Variants in ZCWPW2 observed in about 807,000 individuals in gnomAD.
The protein encoded by ZCWPW2 is zinc finger CW-type PWWP domain protein 2.
ZCWPW2 carries 45 observed loss-of-function variants against 46.6 expected under a neutral mutation model. That is an observed-to-expected ratio of 0.96 (90% CI 0.76 to 1.24). The LOEUF is 1.24. ZCWPW2 is among the 50% of genes most tolerant of loss of function. The pLI, the probability that ZCWPW2 is intolerant of heterozygous loss-of-function variation, is 0.00. For synonymous variants in ZCWPW2, 152 were observed against 137.1 expected, an observed-to-expected ratio of 1.11 and a Z score of -0.76; for missense variants, 429 against 403.9, an observed-to-expected ratio of 1.06 and a Z score of -0.53.
chr3:28,486,288 C>T (rs7633509), intron 5 of ZCWPW2, among the ~76,000 whole-genome samples: 22,360 of 152,062 alleles, frequency 0.15, 2,218 homozygotes, highest in East Asian at 0.47. Flanking sequence ...CACACACACA[C>T]ATAAGATGTA....
At chr3:28,439,333 G>A (rs1185100913) in intron 4 of ZCWPW2, among the ~76,000 whole-genome samples, 2 of 151,934 alleles carry the variant, frequency 1.3e-5, no homozygotes, top group Non-Finnish European at 2.9e-5. Context: ...GAAAGATGTA[G>A]GCTGGGAGGC....
chr3:28,454,463 A>G (rs1443198167), intron 4 of ZCWPW2, among the ~76,000 whole-genome samples: 1 of 152,062 alleles, frequency 6.6e-6, no homozygotes, highest in African/African-American at 2.4e-5. Flanking sequence ...ATACTTCTTC[A>G]TCTTACTTTT....
intron 3 of ZCWPW2, among the ~76,000 whole-genome samples, chr3:28,413,811 A>G (rs746143359): frequency 3.3e-5 from 5 of 152,112 alleles, no homozygotes; most frequent in African/African-American, 9.7e-5. Flanking sequence ...ATTCTAATTT[A>G]AATCTGTTGT....
chr3:28,504,268 T>C (rs1160199379), intron 6 of ZCWPW2, among the ~76,000 whole-genome samples: 1 of 152,158 alleles, frequency 6.6e-6, no homozygotes, highest in Non-Finnish European at 1.5e-5. Context: ...ATGAAATATT[T>C]ATATTAGAGA....
At chr3:28,439,019 A>AGT (rs1346493572) in intron 4 of ZCWPW2, among the ~76,000 whole-genome samples, 3 of 100,120 alleles carry the variant, frequency 3.0e-5, no homozygotes, top group Non-Finnish European at 6.0e-5. Flanking sequence ...CAGAACTAAT[A>AGT]GTATATATAT....
At position 28,389,112 on chromosome 3, in the gene ZCWPW2, A is replaced by T. The variant is rs75157563; in HGVS notation, c.-133-1386A>T. Among the ~76,000 whole-genome samples the T allele has an allele frequency of 6.9e-3, 1,046 of 152,252 alleles. 10 individuals are homozygous for T. Among genetic ancestry groups the T allele is most frequent in the African/African-American group, 0.023 (944 of 41,550 alleles). On this transcript the variant is annotated intron_variant, in intron 1 of 9. Coordinates refer to ENST00000383768, the MANE Select transcript of ZCWPW2 (RefSeq NM_001040432.4). ...TAGTGGAAGCATTTTTCCCTCTGGAACTAAGACCTCTAGGCCGACAGAGCA... is the reference window on the plus strand; with the variant it reads ...TAGTGGAAGCATTTTTCCCTCTGGATCTAAGACCTCTAGGCCGACAGAGCA...
chr3:28,365,982 C>T (rs1230933929), intron 1 of ZCWPW2, among the ~76,000 whole-genome samples: 2 of 149,124 alleles, frequency 1.3e-5, no homozygotes, highest in African/African-American at 4.9e-5. Context: ...GTGATTTTTG[C>T]ACATTGATTT....
intron 1 of ZCWPW2, among the ~76,000 whole-genome samples, chr3:28,359,295 T>C (rs896667425): frequency 6.6e-6 from 1 of 152,132 alleles, no homozygotes; most frequent in African/African-American, 2.4e-5. Context: ...CAATAAGTAT[T>C]GTATTCATTA....
chr3:28,351,951 T>G (rs534840182), intron 1 of ZCWPW2, among the ~76,000 whole-genome samples: 1 of 152,286 alleles, frequency 6.6e-6, no homozygotes, highest in Admixed American at 6.5e-5. Flanking sequence ...GGTTACTATC[T>G]TTAGGGTATG....
rs1302243655 is a variant in ZCWPW2, at chr3:28,526,212, A to T, written c.*1524A>T. Reference sequence around the variant, plus strand: ...TGCAAAGAGAACCAAGTATGTGTTTAAATATATTGCAATTAATAATTACTG... The same window carrying T: ...TGCAAAGAGAACCAAGTATGTGTTTTAATATATTGCAATTAATAATTACTG... On this transcript the variant is annotated 3_prime_UTR_variant, in exon 10 of 10. Transcript: ENST00000383768. Among the ~76,000 whole-genome samples, 1 of 152,216 alleles carries T rather than the reference A, an allele frequency of 6.6e-6. No individual in the cohort carries two copies. The highest frequency in any genetic ancestry group is 1.5e-5 in the Non-Finnish European group (1 of 68,036).
intron 4 of ZCWPW2, among the ~76,000 whole-genome samples, chr3:28,464,466 G>T (rs1232557523): frequency 6.6e-6 from 1 of 152,072 alleles, no homozygotes; most frequent in Non-Finnish European, 1.5e-5. Context: ...TTGGCAATCA[G>T]ATGTTCCTAG....
intron 1 of ZCWPW2, among the ~76,000 whole-genome samples, chr3:28,390,154 A>G (rs1695429774): frequency 6.6e-6 from 1 of 152,218 alleles, no homozygotes. Context: ...CTAGTGCCAG[A>G]GAGGGCAACA....
chr3:28,518,020 C>A (rs188613515), intron 8 of ZCWPW2, among the ~76,000 whole-genome samples: 1 of 151,478 alleles, frequency 6.6e-6, no homozygotes, highest in East Asian at 1.9e-4. Flanking sequence ...CCTGTAGTCC[C>A]AGCTACTTGG....
intron 1 of ZCWPW2, among the ~76,000 whole-genome samples, chr3:28,352,126 GCACACACACACACACACACA>G (rs111383620): frequency 7.7e-6 from 1 of 129,606 alleles, no homozygotes. Flanking sequence ...TCAGATGTAT[GCACACACACACACACACACA>G]CACACACACA....
rs1267443254 is a variant in ZCWPW2 at position 28,414,704 on chromosome 3, G to A, written c.332+1304G>A. On this transcript the variant is annotated intron_variant, in intron 3 of 9. Coordinates refer to ENST00000383768, the MANE Select transcript of ZCWPW2 (RefSeq NM_001040432.4). The stretch of plus-strand genomic sequence containing the variant: ...TTCCCACCTATGAGTGAGAACATGC[G>A]GTGTTTGGTTTTTTGTCCTTGCGAA... 4.8e-5 allele frequency among the ~76,000 whole-genome samples: 5 copies of A among 103,644 alleles called. No individual in the cohort carries two copies. The East Asian group carries it at 8.6e-4, about 18-fold the overall frequency. The allele number at this position is 103,644 out of a possible 152,430, so 68.0% of individuals were successfully genotyped here. A position where few individuals can be genotyped will look rare whatever the true frequency, so the allele number is the denominator to read the frequency against.
chr3:28,516,850 TAAAAAAA>T (rs58592559), intron 8 of ZCWPW2, among the ~76,000 whole-genome samples: 2 of 138,702 alleles, frequency 1.4e-5, no homozygotes, highest in African/African-American at 5.3e-5. Context: ...CTACTAAAAT[TAAAAAAA>T]AAAAAATAAC....
chr3:28,501,389 A>C (rs1700138360), intron 6 of ZCWPW2, among the ~76,000 whole-genome samples: 1 of 152,136 alleles, frequency 6.6e-6, no homozygotes, highest in South Asian at 2.1e-4. Context: ...AGACAGGCTT[A>C]TGTCTCAGTT....
intron 1 of ZCWPW2, among the ~76,000 whole-genome samples, chr3:28,370,821 C>A (rs1009830155): frequency 2.0e-5 from 3 of 152,168 alleles, no homozygotes; most frequent in Non-Finnish European, 4.4e-5. Flanking sequence ...CAACCTCCAC[C>A]TCTCCGATTC....
chr3:28,429,304 C>T (rs553790299), intron 3 of ZCWPW2, among the ~76,000 whole-genome samples: 42 of 152,212 alleles, frequency 2.8e-4, no homozygotes, highest in Admixed American at 8.5e-4. Flanking sequence ...TTACCCTTGC[C>T]CTAGAGATTC....
Sources: gnomAD v4.1 joint callset for allele counts (sites outside exome capture counted in the v4.1 genomes callset) on GRCh38, gnomAD v4.1.1 for gene constraint, MANE v1.5 for transcripts, NCBI Gene and HGNC (gene_info 2026-07-23, HGNC 2026-07-21) for gene names.